ARMH3: variants seen among roughly 807,000 people sequenced by gnomAD.
The protein encoded by ARMH3 is armadillo like helical domain containing 3.
ARMH3 carries 60 observed loss-of-function variants against 99.1 expected under a neutral mutation model. The observed-to-expected ratio is 0.61, with a 90% CI of 0.49 to 0.75. The LOEUF is 0.75. Ranked by LOEUF, ARMH3 falls within the 30% of genes least tolerant of loss-of-function variation. The probability of loss-of-function intolerance (pLI) is 0.00; values close to 1 mark genes in which losing one functional copy is unlikely to be tolerated. For synonymous variants in ARMH3, 285 were observed against 292.8 expected (o/e 0.97, Z 0.27); for missense variants, 679 against 843.1 (o/e 0.81, Z 2.41).
At chr10:101,963,344 G>C (rs541008840) in intron 20 of ARMH3, among the ~76,000 whole-genome samples, 2 of 152,022 alleles carry the variant, frequency 1.3e-5, no homozygotes, top group Admixed American at 1.3e-4. Context: ...TGTTAGCCAG[G>C]ATGGCCTCCA....
intron 5 of ARMH3, chr10:102,029,404 C>T (rs944390676): frequency 1.4e-6 from 2 of 1,471,946 alleles, no homozygotes; most frequent in African/African-American, 2.8e-5. Context: ...ATAAAATAAA[C>T]TATTCTGTCT....
At chr10:101,972,408 C>CA in intron 20 of ARMH3, among the ~76,000 whole-genome samples, 1 of 152,164 alleles carries the variant, frequency 6.6e-6, no homozygotes, top group East Asian at 1.9e-4. Context: ...TTATAAATAA[C>CA]ATTTCATTAC....
At chr10:101,985,103 A>ACACG (rs1846413923) in intron 19 of ARMH3, among the ~76,000 whole-genome samples, 1 of 130,400 alleles carries the variant, frequency 7.7e-6, no homozygotes, top group Admixed American at 7.7e-5. Flanking sequence ...ACACACACAC[A>ACACG]CACACACACG....
chr10:101,975,437 T>C lies in ARMH3; in HGVS notation c.1407-137A>G, dbSNP rs1056111924. On this transcript the variant is annotated intron_variant, in intron 19 of 25. Transcript: ENST00000370033. Reference sequence around the variant, plus strand: ...GAATATGTATACATGCAAAAAAATATACAAAACTTCTGGCCGGGCATGGTG... The same window carrying C: ...GAATATGTATACATGCAAAAAAATACACAAAACTTCTGGCCGGGCATGGTG... The C allele has an allele frequency of 1.3e-5, 7 of 542,386 alleles. No homozygotes were observed. In the East Asian group the frequency reaches 1.4e-4, roughly 11 times the overall value. 33.6% of individuals were successfully genotyped at this position (542,386 alleles called of 1,614,324 possible). A position where few individuals can be genotyped will look rare whatever the true frequency, so the allele number is the denominator to read the frequency against.
intron 2 of ARMH3, among the ~76,000 whole-genome samples, chr10:102,039,147 T>C (rs1430499359): frequency 6.6e-6 from 1 of 151,374 alleles, no homozygotes; most frequent in Non-Finnish European, 1.5e-5. Context: ...TCCTTGATAG[T>C]GTATTTTTTT....
chr10:101,951,624 T>A (rs1163362402), intron 22 of ARMH3, among the ~76,000 whole-genome samples: 1 of 151,808 alleles, frequency 6.6e-6, no homozygotes, highest in African/African-American at 2.4e-5. Flanking sequence ...CCCAGCACTT[T>A]GGGAGGCTGA....
At chr10:102,025,631 T>C (rs895854889) in intron 5 of ARMH3, among the ~76,000 whole-genome samples, 4 of 147,810 alleles carry the variant, frequency 2.7e-5, no homozygotes, top group South Asian at 2.1e-4. Context: ...ATTGTATATG[T>C]TTCTTTTCTT....
At chr10:102,034,839 C>G (rs1289228686) in intron 2 of ARMH3, among the ~76,000 whole-genome samples, 4 of 151,446 alleles carry the variant, frequency 2.6e-5, no homozygotes, top group Non-Finnish European at 5.9e-5. Context: ...ACCCAGGAGG[C>G]AGAGGTCACG....
chr10:102,053,332 G>A (rs926722726), intron 1 of ARMH3, among the ~76,000 whole-genome samples: 8 of 151,290 alleles, frequency 5.3e-5, no homozygotes, highest in African/African-American at 1.7e-4. Context: ...AAATTTCTGA[G>A]ATTTAAAATA....
intron 24 of ARMH3, among the ~76,000 whole-genome samples, chr10:101,881,432 T>G (rs150194302): frequency 6.6e-6 from 1 of 152,118 alleles, no homozygotes; most frequent in Non-Finnish European, 1.5e-5. Flanking sequence ...TGGGGGGAAG[T>G]TGTTCAATTC....
chr10:101,894,631 A>AG (rs1228306919), intron 23 of ARMH3, among the ~76,000 whole-genome samples: 4 of 152,132 alleles, frequency 2.6e-5, no homozygotes, highest in Non-Finnish European at 4.4e-5. Flanking sequence ...CATTTTCTTT[A>AG]GGCTTTCCTT....
chr10:101,893,929 T>C (rs2067755680), intron 23 of ARMH3, among the ~76,000 whole-genome samples: 1 of 152,162 alleles, frequency 6.6e-6, no homozygotes, highest in Admixed American at 6.5e-5. Flanking sequence ...CCTGAGGGTA[T>C]TTACCACTCT....
intron 23 of ARMH3, among the ~76,000 whole-genome samples, chr10:101,914,487 C>CA (rs60601721): frequency 0.29 from 29,758 of 103,772 alleles, 3,586 homozygotes; most frequent in East Asian, 0.58. Flanking sequence ...GACTCTGTCT[C>CA]AAAAAAAAAA....
At chr10:101,860,960 CACTTA>C (rs1291451063) in intron 24 of ARMH3, among the ~76,000 whole-genome samples, 1 of 152,144 alleles carries the variant, frequency 6.6e-6, no homozygotes, top group Admixed American at 6.5e-5. Flanking sequence ...CAAAATCTAG[CACTTA>C]ACTTCAATAA....
chr10:101,955,100 C>T (rs1844969891), intron 22 of ARMH3, among the ~76,000 whole-genome samples: 1 of 152,266 alleles, frequency 6.6e-6, no homozygotes, highest in East Asian at 1.9e-4. Context: ...TGAAGCCAGG[C>T]AGATGCAAAC....
chr10:101,895,421 A>G (rs931404922), intron 23 of ARMH3, among the ~76,000 whole-genome samples: 1 of 151,888 alleles, frequency 6.6e-6, no homozygotes, highest in Non-Finnish European at 1.5e-5. Flanking sequence ...CTGGGACTAC[A>G]GGCGCCCGCC....
intron 19 of ARMH3, among the ~76,000 whole-genome samples, chr10:101,989,714 C>A (rs1030252603): frequency 1.3e-5 from 2 of 152,180 alleles, no homozygotes; most frequent in African/African-American, 4.8e-5. Flanking sequence ...GAGTGAGACT[C>A]CGTCTCAAAA....
chr10:102,047,486 C>CT lies in ARMH3; in HGVS notation c.-11-7362dup, dbSNP rs796094967. 4.7e-3 allele frequency among the ~76,000 whole-genome samples: 662 copies of CT among 141,258 alleles called. 1 individual carries two copies. Among genetic ancestry groups the CT allele is most frequent in the Non-Finnish European group, 6.3e-3 (408 of 64,386 alleles). 92.7% of individuals were successfully genotyped at this position (141,258 alleles called of 152,430 possible). A position where few individuals can be genotyped will look rare whatever the true frequency, so the allele number is the denominator to read the frequency against. On this transcript the variant is annotated intron_variant, in intron 1 of 25. Transcript: ENST00000370033. ...CTTCCTACCATTCTATTGAACCAAA[C>CT]TTTTTTTTTTTTTTTTGAGAGACAA... is the stretch of plus-strand genomic sequence containing the variant.
In ARMH3 at chr10:101,990,553, A is replaced by G. The variant is rs1329240743; in HGVS notation, c.1404T>C (p.Tyr468=). 3 of 1,574,128 alleles carry G rather than the reference A, an allele frequency of 1.9e-6. No homozygotes were observed. Among genetic ancestry groups the G allele is most frequent in the Non-Finnish European group, 2.6e-6 (3 of 1,144,162 alleles). ...AATGTGTACATATTTGTACTTACAT[A>G]TAGAGATCCATAGGAAACTCCTTCA... is the stretch of plus-strand genomic sequence containing the variant. ...HMMKEFPMDL[Y]IRCIQVVHKL... is the part of the protein sequence containing the mutation. The change falls in exon 19 of 26, where the codon TAT becomes TAC. Residue 468 remains tyrosine (Y), a splice_region_variant and synonymous_variant. Transcript: ENST00000370033.
Sources: allele counts gnomAD v4.1 joint callset (sites outside exome capture counted in the v4.1 genomes callset), GRCh38; gene constraint gnomAD v4.1.1; transcripts MANE v1.5; gene names NCBI Gene and HGNC (gene_info 2026-07-23, HGNC 2026-07-21).